The following SOX6 variants were observed in gnomAD, a reference collection of about 807,000 sequenced individuals.
SOX6 encodes transcription factor SOX-6.
In SOX6, 11 loss-of-function variants were observed where a neutral mutation model predicts 97.8. The ratio of observed to expected loss-of-function variants is 0.11; its 90% CI spans 0.07 to 0.19. SOX6 has a LOEUF of 0.19. Ranked by LOEUF, SOX6 falls within the 10% of genes least tolerant of loss-of-function variation. The probability of loss-of-function intolerance (pLI) is 1.00; values close to 1 mark genes in which losing one functional copy is unlikely to be tolerated. For synonymous variants in SOX6, 360 were observed against 371.4 expected (o/e 0.97, Z 0.35); for missense variants, 810 against 1,039.5 (o/e 0.78, Z 3.04).
rs539568605 is a variant in SOX6, at chr11:16,095,642, A to G, written c.1101+354T>C. Among the ~76,000 whole-genome samples the G allele has an allele frequency of 2.0e-5, 3 of 152,040 alleles. No individual in the cohort carries two copies. In the South Asian group the frequency reaches 6.2e-4, roughly 31 times the overall value. ...TTACAGGGTTATTCTATGGTCAAAT[A>G]ATTTTTTAATGTTTAAGTATTTTTT... On this transcript the variant is annotated intron_variant, in intron 9 of 15. Coordinates refer to ENST00000683767, the MANE Select transcript of SOX6 (RefSeq NM_001367873.1).
At chr11:16,211,916 A>G (rs1852244276) in intron 4 of SOX6, among the ~76,000 whole-genome samples, 1 of 152,186 alleles carries the variant, frequency 6.6e-6, no homozygotes, top group South Asian at 2.1e-4. Flanking sequence ...CCTAGCACAG[A>G]GTTGCCGTTA....
intron 1 of SOX6, among the ~76,000 whole-genome samples, chr11:16,428,173 G>T (rs989769086): frequency 6.6e-6 from 1 of 151,950 alleles, no homozygotes; most frequent in Non-Finnish European, 1.5e-5. Context: ...TTTTTGATGG[G>T]GTTGTTTTTT....
At chr11:16,248,289 C>T (rs1853400410) in intron 3 of SOX6, among the ~76,000 whole-genome samples, 1 of 58,428 alleles carries the variant, frequency 1.7e-5, no homozygotes, top group Non-Finnish European at 4.2e-5. Flanking sequence ...GGTGGATCTA[C>T]CATTTTGGGT....
At chr11:16,496,628 C>T (rs12362867) in intron 4 of SOX6, among the ~76,000 whole-genome samples, 36,708 of 152,174 alleles carry the variant, frequency 0.24, 5,031 homozygotes, top group Non-Finnish European at 0.3. Context: ...CCTAATACTG[C>T]ACTTTTCCAA....
At chr11:16,428,348 A>G (rs551490275) in intron 1 of SOX6, among the ~76,000 whole-genome samples, 96 of 152,216 alleles carry the variant, frequency 6.3e-4, no homozygotes, top group African/African-American at 2.0e-3. Context: ...CCATTTGTCA[A>G]TTTTGGCTTT....
chr11:16,199,744 A>T (rs1475206232), intron 4 of SOX6, among the ~76,000 whole-genome samples: 1 of 152,186 alleles, frequency 6.6e-6, no homozygotes, highest in African/African-American at 2.4e-5. Flanking sequence ...GGCTCAGGGA[A>T]CTAGTCTCCA....
At chr11:16,627,480 A>G (rs757580852) in intron 3 of SOX6, among the ~76,000 whole-genome samples, 1 of 152,214 alleles carries the variant, frequency 6.6e-6, no homozygotes, top group Non-Finnish European at 1.5e-5. Flanking sequence ...TAACTTTTTA[A>G]TAATAGCCAT....
At chr11:16,665,801 G>A (rs1380739810) in intron 3 of SOX6, among the ~76,000 whole-genome samples, 1 of 152,194 alleles carries the variant, frequency 6.6e-6, no homozygotes, top group Non-Finnish European at 1.5e-5. Context: ...CCACAGGGGT[G>A]CTTGTGTGAC....
intron 2 of SOX6, among the ~76,000 whole-genome samples, chr11:16,728,559 A>T (rs1848324969): frequency 1.3e-5 from 2 of 152,242 alleles, no homozygotes; most frequent in Non-Finnish European, 2.9e-5. Flanking sequence ...ACGTCCACAC[A>T]GAAACCCAAT....
chr11:16,628,389 C>T (rs113304720), intron 3 of SOX6, among the ~76,000 whole-genome samples: 18 of 152,004 alleles, frequency 1.2e-4, no homozygotes, highest in African/African-American at 1.7e-4. Flanking sequence ...TTTAGGAGGC[C>T]GAGGTGGGTG....
At chr11:16,021,668 A>AT (rs1428719496) in intron 12 of SOX6, among the ~76,000 whole-genome samples, 1 of 151,978 alleles carries the variant, frequency 6.6e-6, no homozygotes, top group Non-Finnish European at 1.5e-5. Context: ...TTTAAATAAT[A>AT]TTTTTTCAGC....
intron 13 of SOX6, among the ~76,000 whole-genome samples, chr11:16,013,632 C>CCCCT (rs563891659): frequency 2.0e-5 from 3 of 151,580 alleles, no homozygotes; most frequent in Non-Finnish European, 4.4e-5. Context: ...CTCTTCTCTT[C>CCCCT]CCCTCCCTCC....
At chr11:16,275,883 T>C (rs1854385041) in intron 3 of SOX6, among the ~76,000 whole-genome samples, 1 of 152,212 alleles carries the variant, frequency 6.6e-6, no homozygotes, top group Non-Finnish European at 1.5e-5. Flanking sequence ...ATAAATAGAT[T>C]CATATTGTAA....
chr11:16,736,699 A>G (rs3809095), intron 1 of SOX6, among the ~76,000 whole-genome samples: 31,275 of 152,200 alleles, frequency 0.21, 4,124 homozygotes, highest in Middle Eastern at 0.3. Context: ...GGTGAACTGT[A>G]GTCGAAACTG....
chr11:16,118,203 G>A (rs1419885126), intron 6 of SOX6, among the ~76,000 whole-genome samples: 1 of 152,218 alleles, frequency 6.6e-6, no homozygotes, highest in Non-Finnish European at 1.5e-5. Context: ...CATCACGGGT[G>A]AAGCTTAGTG....
intron 2 of SOX6, among the ~76,000 whole-genome samples, chr11:16,338,142 G>T (rs902239969): frequency 3.3e-5 from 5 of 151,952 alleles, no homozygotes. Flanking sequence ...TATAAGTGCT[G>T]AAAAAATTAT....
chr11:16,215,671 C>T (rs1227062226), intron 4 of SOX6, among the ~76,000 whole-genome samples: 3 of 151,910 alleles, frequency 2.0e-5, no homozygotes, highest in East Asian at 1.9e-4. Flanking sequence ...CCATGCTATA[C>T]TAAAGGAGAA....
chr11:16,215,839 A>T (rs139046308), intron 4 of SOX6, among the ~76,000 whole-genome samples: 106 of 152,334 alleles, frequency 7.0e-4, no homozygotes, highest in African/African-American at 2.2e-3. Context: ...ATAGAGGATG[A>T]TCACTGTTTT....
chr11:16,240,322 G>A (rs1244308991), intron 3 of SOX6, among the ~76,000 whole-genome samples: 1 of 145,556 alleles, frequency 6.9e-6, no homozygotes, highest in Non-Finnish European at 1.5e-5. Context: ...GTGTGGCAGT[G>A]GAAGCTATTG....
Sources: allele counts gnomAD v4.1 joint callset (sites outside exome capture counted in the v4.1 genomes callset), GRCh38; gene constraint gnomAD v4.1.1; transcripts MANE v1.5; gene names NCBI Gene and HGNC (gene_info 2026-07-23, HGNC 2026-07-21).